ZNF417: variants seen among roughly 807,000 people sequenced by gnomAD.
ZNF417 encodes the protein zinc finger protein 417.
ZNF417 carries 5 observed loss-of-function variants against 7.4 expected under a neutral mutation model. That is an observed-to-expected ratio of 0.68 (90% CI 0.35 to 1.43). The LOEUF (loss-of-function observed/expected upper bound fraction) is 1.43. ZNF417 is among the 40% of genes most tolerant of loss of function. ZNF417 has a pLI of 0.04. For missense variants in ZNF417, 437 were observed against 697.3 expected (o/e 0.63, Z 4.20); for synonymous variants, 147 against 239.1 (o/e 0.61, Z 3.55).
At chr19:57,910,362 A>G (rs1320695058) in intron 2 of ZNF417, among the ~76,000 whole-genome samples, 1 of 151,928 alleles carries the variant, frequency 6.6e-6, no homozygotes, top group Non-Finnish European at 1.5e-5. Context: ...CGTGACCAAC[A>G]TGGTGAAAAC....
In ZNF417 at chr19:57,916,516, G is replaced by T; in HGVS notation, c.-105C>A. The T allele has an allele frequency of 6.3e-7, 1 of 1,588,070 alleles. No homozygotes were observed. Among genetic ancestry groups the T allele is most frequent in the Non-Finnish European group, 8.6e-7 (1 of 1,167,652 alleles). On this transcript the variant is annotated 5_prime_UTR_variant, in exon 1 of 3. The change creates a new upstream start codon in the 5' untranslated region. Coordinates refer to ENST00000312026, the MANE Select transcript of ZNF417 (RefSeq NM_152475.3). ...GATTCCTCTCCACCTTCTAGGTTCA[G>T]TCACCGCGGTCCCCCCCCAGCACTC...
Position 57,908,791 on chromosome 19 carries a change from T to C in ZNF417, c.1487A>G (p.Glu496Gly), listed in dbSNP as rs759720300. The C allele has an allele frequency of 6.2e-7, 1 of 1,613,226 alleles. No homozygotes were observed. The highest frequency in any genetic ancestry group is 1.1e-5 in the South Asian group (1 of 91,010). ...HTGERPYECN[E>G]CGKSFLSSSA... ...GCTGGAAAGAAATGATTTCCCACAT[T>C]CATTGCATTCATACGGCCTTTCTCC... The change falls in exon 3 of 3, where the codon GAA becomes GGA. Residue 496 changes from glutamate to glycine, a missense_variant. Physicochemically the swap from Glu to Gly is moderately conservative, Grantham distance 98. Coordinates refer to ENST00000312026, the MANE Select transcript of ZNF417 (RefSeq NM_152475.3).
At chr19:57,916,268 T>C in intron 1 of ZNF417, 111 bp downstream of exon 1, 1 of 1,596,232 alleles carries the variant, frequency 6.3e-7, no homozygotes. Flanking sequence ...CGCCTCAGTG[T>C]TCCTACGCCG....
Position 57,908,590 on chromosome 19 carries a change from A to T in ZNF417, c.1688T>A (p.Leu563His). ...CCTGTGTGAACTCTGATGATGAAGG[A>T]GGGTAGAGCTTCGCTGAAATGTTTT... is the stretch of plus-strand genomic sequence containing the variant. The part of the protein sequence containing the change: ...CGKTFQRSST[L>H]LHHQSSHRRK... The change falls in exon 3 of 3, where the codon CTC becomes CAC. Residue 563 changes from leucine (L) to histidine (H), a missense_variant. Leu to His is a moderately conservative substitution (Grantham distance 99, BLOSUM62 -3). This residue lies in a region of ZNF417 where 233 missense variants were observed against 235.5 expected (regional missense o/e 0.99). Transcript: ENST00000312026. The T allele has an allele frequency of 1.2e-6, 2 of 1,613,750 alleles. No individual in the cohort carries two copies. The highest frequency in any genetic ancestry group is 2.2e-5 in the South Asian group (2 of 91,052).
chr19:57,909,048 G>T lies in ZNF417; in HGVS notation c.1230C>A (p.Cys410Ter), dbSNP rs150518835. 2 of 1,613,816 alleles carry T rather than the reference G, an allele frequency of 1.2e-6. No homozygotes were observed. The highest frequency in any genetic ancestry group is 1.7e-6 in the Non-Finnish European group (2 of 1,179,992). Residue 410 changes from cysteine (C) to a stop codon, truncating the protein, a stop_gained, in exon 3 of 3, where the codon TGC (cysteine) becomes TGA (stop). Transcript: ENST00000312026. LOFTEE classifies it low-confidence loss of function (END_TRUNC). ...RGHTGERPYECKECGKSFRYR... is the reference protein window; with the variant it reads ...RGHTGERPYE ...ACCTAAATGATTTCCCACATTCCTT[G>T]CACTCATAGGGCCTTTCTCCAGTAT...
chr19:57,915,355 C>T (rs1054503218), intron 1 of ZNF417: 80 of 249,884 alleles, frequency 3.2e-4, no homozygotes, highest in African/African-American at 1.7e-3. Flanking sequence ...GCACAGCCCT[C>T]GGCCTGCTTA....
chr19:57,906,361 C>T lies in ZNF417; in HGVS notation c.*2189G>A, dbSNP rs1282855442. Among the ~76,000 whole-genome samples, 1 of 152,034 alleles carries T rather than the reference C, an allele frequency of 6.6e-6. No homozygotes were observed. The highest frequency in any genetic ancestry group is 2.1e-4 in the South Asian group (1 of 4,820). On this transcript the variant is annotated 3_prime_UTR_variant, in exon 3 of 3. Transcript: ENST00000312026. ...TGTAATACAAGGTGACATTTAGGGG[C>T]TGAGACTGTTAACATCTGACTGTAC...
At position 57,908,196 on chromosome 19, in the gene ZNF417, T is replaced by C. The variant is rs1427768529; in HGVS notation, c.*354A>G. 10 of 326,758 alleles carry C rather than the reference T, an allele frequency of 3.1e-5. No homozygotes were observed. The highest frequency in any genetic ancestry group is 2.9e-4 in the South Asian group (8 of 27,264). 20.2% of individuals were successfully genotyped at this position (326,758 alleles called of 1,614,324 possible). ...ACGTATTGTCACTTGGGGACACTTA[T>C]GATTCCACATGAAGTGGATAACCAG... On this transcript the variant is annotated 3_prime_UTR_variant, in exon 3 of 3. Transcript: ENST00000312026.
chr19:57,908,344 C>T lies in ZNF417; in HGVS notation c.*206G>A. 1 of 908,128 alleles carries T rather than the reference C, an allele frequency of 1.1e-6. No individual in the cohort carries two copies. Among genetic ancestry groups the T allele is most frequent in the Non-Finnish European group, 1.6e-6 (1 of 612,048 alleles). 56.3% of individuals were successfully genotyped at this position (908,128 alleles called of 1,614,324 possible). On this transcript the variant is annotated 3_prime_UTR_variant, in exon 3 of 3. Transcript: ENST00000312026. Reference sequence around the variant, plus strand: ...ACTTGAACCTGGGAGGCCCAAGTTGCAGTGAGCCAAGATTGCACCACTGCA... The same window carrying T: ...ACTTGAACCTGGGAGGCCCAAGTTGTAGTGAGCCAAGATTGCACCACTGCA...
rs1379008384 is a variant in ZNF417 at position 57,906,046 on chromosome 19, A to G, written c.*2504T>C. On this transcript the variant is annotated 3_prime_UTR_variant, in exon 3 of 3. Transcript: ENST00000312026. The stretch of plus-strand genomic sequence containing the variant: ...AGTGGTACCATCTCAGCTGATTGCA[A>G]CCTCCATTTCCGAGGAAGGCTCCTT... Among the ~76,000 whole-genome samples the G allele has an allele frequency of 6.6e-6, 1 of 151,948 alleles. No homozygotes were observed. Among genetic ancestry groups the G allele is most frequent in the African/African-American group, 2.4e-5 (1 of 41,362 alleles).
rs1432309386 is a variant in ZNF417, at chr19:57,905,905, C to A, written c.*2645G>T. 6.6e-6 allele frequency among the ~76,000 whole-genome samples: 1 copy of A among 152,162 alleles called. No homozygotes were observed. Among genetic ancestry groups the A allele is most frequent in the African/African-American group, 2.4e-5 (1 of 41,428 alleles). On this transcript the variant is annotated 3_prime_UTR_variant, in exon 3 of 3. Coordinates refer to ENST00000312026, the MANE Select transcript of ZNF417 (RefSeq NM_152475.3). Reference sequence around the variant, plus strand: ...TGTATTAATTCAAGACAAGAGCCTGCAGAGACTAAAATTGCTTAGTACTGA... The same window carrying A: ...TGTATTAATTCAAGACAAGAGCCTGAAGAGACTAAAATTGCTTAGTACTGA...
intron 2 of ZNF417, among the ~76,000 whole-genome samples, chr19:57,911,683 G>A (rs2071900476): frequency 6.6e-6 from 1 of 152,176 alleles, no homozygotes; most frequent in African/African-American, 2.4e-5. Context: ...TATGTAGGTA[G>A]TGACAATGTC....
Position 57,908,260 on chromosome 19 carries a change from C to T in ZNF417, c.*290G>A, listed in dbSNP as rs748374040. 1.4e-4 allele frequency: 64 copies of T among 463,972 alleles called. No homozygotes were observed. The highest frequency in any genetic ancestry group is 1.2e-3 in the East Asian group (30 of 24,392). The allele number at this position is 463,972 out of a possible 1,614,324, so 28.7% of individuals were successfully genotyped here. A position where few individuals can be genotyped will look rare whatever the true frequency, so the allele number is the denominator to read the frequency against. ...TGGTACTGAAAACCAAGTATTTGGC[C>T]GGGCATGGTGTGGTGTACTCGTAAT... is the stretch of plus-strand genomic sequence containing the variant. On this transcript the variant is annotated 3_prime_UTR_variant, in exon 3 of 3. Coordinates refer to ENST00000312026, the MANE Select transcript of ZNF417 (RefSeq NM_152475.3).
chr19:57,910,648 G>GA lies in ZNF417; in HGVS notation c.164-535_164-534insT, dbSNP rs1446109277. Among the ~76,000 whole-genome samples the GA allele has an allele frequency of 8.5e-5, 13 of 152,236 alleles. No homozygotes were observed. The East Asian group carries it at 2.5e-3, about 29-fold the overall frequency. ...AGGCCTCATGATGTAAAGAGCACAA[G>GA]CATACAGGCAACACAGGGAGTAGAG... is the stretch of plus-strand genomic sequence containing the variant. On this transcript the variant is annotated intron_variant, in intron 2 of 2. Coordinates refer to ENST00000312026, the MANE Select transcript of ZNF417 (RefSeq NM_152475.3).
At position 57,909,205 on chromosome 19, in the gene ZNF417, C is replaced by T. The variant is rs1315629013; in HGVS notation, c.1073G>A (p.Gly358Glu). ...GCAGAACTTCTGACGAAAAGATTTC[C>T]CACATTCCCCACAGTGATAAGCTCT... The part of the protein sequence containing the change: ...GERAYHCGEC[G>E]KSFRQKFCFI... The change falls in exon 3 of 3, where the codon GGG (glycine) becomes GAG (glutamate). Residue 358 changes from glycine to glutamate, a missense_variant. Physicochemically the swap from Gly to Glu is moderately conservative, Grantham distance 98. This residue lies in a region of ZNF417 where 53 missense variants were observed against 91.9 expected (regional missense o/e 0.58). Transcript: ENST00000312026. The T allele has an allele frequency of 6.2e-7, 1 of 1,614,006 alleles. No homozygotes were observed. Among genetic ancestry groups the T allele is most frequent in the Non-Finnish European group, 8.5e-7 (1 of 1,179,974 alleles).
chr19:57,916,331 C>T (rs768608359), intron 1 of ZNF417, 48 bp downstream of exon 1: 1 of 1,613,934 alleles, frequency 6.2e-7, no homozygotes, highest in African/African-American at 1.3e-5. Context: ...GGTTTAGGAC[C>T]TGGGTGACGA....
At chr19:57,912,769 C>T (rs1346212180) in intron 1 of ZNF417, among the ~76,000 whole-genome samples, 6 of 151,962 alleles carry the variant, frequency 3.9e-5, no homozygotes, top group Non-Finnish European at 7.4e-5. Context: ...CCACTATACC[C>T]GGCTAATTTT....
At position 57,908,794 on chromosome 19, in the gene ZNF417, T is replaced by C. The variant is rs10416584; in HGVS notation, c.1484A>G (p.Asn495Ser). The C allele has an allele frequency of 0.35, 521,761 of 1,478,460 alleles. 108,907 individuals carry two copies. Among genetic ancestry groups the C allele is most frequent in the Non-Finnish European group, 0.37 (399,600 of 1,065,814 alleles). 91.6% of individuals were successfully genotyped at this position (1,478,460 alleles called of 1,614,324 possible). A position where few individuals can be genotyped will look rare whatever the true frequency, so the allele number is the denominator to read the frequency against. ...IHTGERPYEC[N>S]ECGKSFLSSS... is the part of the protein sequence containing the mutation. ...GGAAAGAAATGATTTCCCACATTCA[T>C]TGCATTCATACGGCCTTTCTCCAGT... The change falls in exon 3 of 3, where the codon AAT (asparagine) becomes AGT (serine). Residue 495 changes from asparagine to serine, a missense_variant. Asn to Ser is a conservative substitution (Grantham distance 46). Around this residue, in one of 5 missense-constraint regions of ZNF417, gnomAD observed 233 missense variants for 235.5 expected, o/e 0.99. Transcript: ENST00000312026.
intron 1 of ZNF417, among the ~76,000 whole-genome samples, chr19:57,915,857 A>C (rs1468548831): frequency 6.6e-6 from 1 of 152,170 alleles, no homozygotes; most frequent in Non-Finnish European, 1.5e-5. Context: ...GTAAAACCTA[A>C]GATCAGTGCT....
Sources: allele counts gnomAD v4.1 joint callset (sites outside exome capture counted in the v4.1 genomes callset), GRCh38; gene constraint gnomAD v4.1.1; regional missense constraint gnomAD v4.1.1; transcripts MANE v1.5; gene names NCBI Gene and HGNC (gene_info 2026-07-23, HGNC 2026-07-21).